NAALADL2: variants seen among roughly 807,000 people sequenced by gnomAD.
NAALADL2 encodes the protein N-acetylated alpha-linked acidic dipeptidase like 2.
In NAALADL2, 76 loss-of-function variants were observed where a neutral mutation model predicts 87.2. The observed-to-expected ratio is 0.87, with a 90% confidence interval of 0.72 to 1.05. NAALADL2 has a LOEUF of 1.05. Among genes scored for constraint, NAALADL2 ranks in the 50% least tolerant of loss-of-function variants. The pLI, the probability that NAALADL2 is intolerant of heterozygous loss-of-function variation, is 0.00. For missense variants in NAALADL2, 1,089 were observed against 945.8 expected, an observed-to-expected ratio of 1.15 and a Z score of -1.99; for synonymous variants, 354 against 331.0, an observed-to-expected ratio of 1.07 and a Z score of -0.75.
At chr3:175,342,934 T>A (rs778273221) in intron 5 of NAALADL2, among the ~76,000 whole-genome samples, 15 of 152,060 alleles carry the variant, frequency 9.9e-5, no homozygotes, top group Non-Finnish European at 1.3e-4. Flanking sequence ...TGTGTCGCTT[T>A]AGTGTAGTGA....
intron 1 of NAALADL2, among the ~76,000 whole-genome samples, chr3:175,018,360 A>C (rs1280092795): frequency 6.6e-6 from 1 of 152,120 alleles, no homozygotes; most frequent in African/African-American, 2.4e-5. Flanking sequence ...TTCATTAAGC[A>C]AAATAGAGAA....
intron 1 of NAALADL2, among the ~76,000 whole-genome samples, chr3:174,881,969 T>C (rs1242271615): frequency 2.0e-5 from 3 of 152,186 alleles, no homozygotes; most frequent in Non-Finnish European, 1.5e-5. Flanking sequence ...TATTTAATGA[T>C]ATGTATTTAT....
At chr3:174,803,327 G>GT (rs1295124162) in intron 3 of NAALADL2, among the ~76,000 whole-genome samples, 1 of 151,944 alleles carries the variant, frequency 6.6e-6, no homozygotes, top group Non-Finnish European at 1.5e-5. Context: ...TGATGGGGTT[G>GT]TTTTTTCTTG....
At chr3:174,655,670 TAACTA>T (rs1310810808) in intron 2 of NAALADL2, among the ~76,000 whole-genome samples, 3 of 152,170 alleles carry the variant, frequency 2.0e-5, no homozygotes, top group Non-Finnish European at 2.9e-5. Context: ...ATTTAAAAAT[TAACTA>T]TAATATAACA....
At chr3:175,038,693 T>C (rs950598987) in intron 1 of NAALADL2, among the ~76,000 whole-genome samples, 2 of 152,158 alleles carry the variant, frequency 1.3e-5, no homozygotes, top group Non-Finnish European at 2.9e-5. Flanking sequence ...AATAAAGTCA[T>C]TGGTCCCAAA....
At chr3:175,567,079 T>C (rs1717260928) in intron 9 of NAALADL2, among the ~76,000 whole-genome samples, 1 of 152,182 alleles carries the variant, frequency 6.6e-6, no homozygotes, top group Admixed American at 6.5e-5. Flanking sequence ...TACTGTAGAG[T>C]AGGTACTATT....
intron 11 of NAALADL2, among the ~76,000 whole-genome samples, chr3:175,659,829 G>T (rs1415077829): frequency 2.6e-5 from 4 of 152,108 alleles, no homozygotes; most frequent in African/African-American, 9.7e-5. Context: ...TGGGTTCTTT[G>T]TTTTGTAATG....
At chr3:174,593,499 A>C (rs1717589720) in intron 2 of NAALADL2, among the ~76,000 whole-genome samples, 1 of 152,142 alleles carries the variant, frequency 6.6e-6, no homozygotes, top group South Asian at 2.1e-4. Flanking sequence ...GCTGGAATTC[A>C]AAGTCAGTAT....
At chr3:174,630,384 A>G (rs1475112483) in intron 2 of NAALADL2, among the ~76,000 whole-genome samples, 1 of 152,188 alleles carries the variant, frequency 6.6e-6, no homozygotes, top group African/African-American at 2.4e-5. Flanking sequence ...TCATAACAAA[A>G]TGTGAAAATT....
chr3:175,469,721 A>G (rs1724593068), intron 8 of NAALADL2, among the ~76,000 whole-genome samples: 2 of 152,032 alleles, frequency 1.3e-5, no homozygotes, highest in South Asian at 4.1e-4. Context: ...TCTCTTTACC[A>G]TAGAATATGT....
At chr3:174,859,316 A>G (rs904223438), upstream of NAALADL2, 52 of 904,818 alleles carry the variant, frequency 5.7e-5, no homozygotes, top group Non-Finnish European at 8.2e-5. Context: ...TACTGTTACA[A>G]TACTACAGTA....
In NAALADL2 at chr3:174,787,597, A is replaced by ACG. The variant is rs1375929120; in HGVS notation, c.-9+49851_-9+49852insCG. On this transcript the variant is annotated intron_variant, in intron 3 of 3. Transcript: ENST00000434257. ...TCATCATATATATATATATATATATATATATATATATATATATATATATAG... is the reference window on the plus strand; with the variant it reads ...TCATCATATATATATATATATATATACGTATATATATATATATATATATATAG... 1.1e-3 allele frequency among the ~76,000 whole-genome samples: 82 copies of ACG among 75,702 alleles called. 7 individuals carry two copies. Among genetic ancestry groups the ACG allele is most frequent in the South Asian group, 0.01 (20 of 1,990 alleles). The allele number at this position is 75,702 out of a possible 152,430, so 49.7% of individuals were successfully genotyped here.
intron 2 of NAALADL2, among the ~76,000 whole-genome samples, chr3:175,125,405 G>A (rs759502214): frequency 5.3e-5 from 8 of 151,848 alleles, no homozygotes; most frequent in Non-Finnish European, 8.8e-5. Context: ...TGAAAATAGC[G>A]CTAAGTGGGA....
chr3:175,515,676 G>A (rs540604963), intron 9 of NAALADL2, among the ~76,000 whole-genome samples: 1 of 152,240 alleles, frequency 6.6e-6, no homozygotes, highest in Non-Finnish European at 1.5e-5. Context: ...CATCAGATAA[G>A]CCGGCAAATC....
chr3:174,531,579 C>G (rs1721245524), intron 1 of NAALADL2, among the ~76,000 whole-genome samples: 1 of 152,160 alleles, frequency 6.6e-6, no homozygotes. Flanking sequence ...CATTCATTTA[C>G]AGGTAAGTGT....
intron 4 of NAALADL2, among the ~76,000 whole-genome samples, chr3:175,315,345 G>T (rs1281260945): frequency 1.3e-5 from 2 of 152,180 alleles, no homozygotes; most frequent in African/African-American, 4.8e-5. Flanking sequence ...TGTAAAGGAG[G>T]TTTGTTTAAC....
At chr3:175,338,031 A>T (rs1297377668) in intron 5 of NAALADL2, among the ~76,000 whole-genome samples, 1 of 152,176 alleles carries the variant, frequency 6.6e-6, no homozygotes, top group African/African-American at 2.4e-5. Flanking sequence ...CTGAACTTTC[A>T]CAGCTTTTAC....
chr3:175,057,323 C>T (rs538002584), intron 1 of NAALADL2, among the ~76,000 whole-genome samples: 1 of 152,296 alleles, frequency 6.6e-6, no homozygotes, highest in East Asian at 1.9e-4. Context: ...CCAGACACAA[C>T]AGAGTGGTGT....
chr3:175,059,938 G>T, intron 1 of NAALADL2: 1 of 417,316 alleles, frequency 2.4e-6, no homozygotes, highest in Non-Finnish European at 4.8e-6. Flanking sequence ...ATCTGCTTGT[G>T]GTGGCACATA....
Sources: allele counts gnomAD v4.1 joint callset (sites outside exome capture counted in the v4.1 genomes callset), GRCh38; gene constraint gnomAD v4.1.1; transcripts MANE v1.5; gene names NCBI Gene and HGNC (gene_info 2026-07-23, HGNC 2026-07-21).